Variants in FBXL5 observed in about 807,000 individuals in gnomAD.
The protein encoded by FBXL5 is F-box/LRR-repeat protein 5.
FBXL5 carries 26 observed loss-of-function variants against 78.3 expected under a neutral mutation model. That is an observed-to-expected ratio of 0.33 (90% CI 0.24 to 0.46). The LOEUF (loss-of-function observed/expected upper bound fraction) is 0.46. Among genes scored for constraint, FBXL5 ranks in the 20% least tolerant of loss-of-function variants. FBXL5 has a pLI of 1.00. For synonymous variants in FBXL5, 295 were observed against 282.5 expected, an observed-to-expected ratio of 1.04 and a Z score of -0.45; for missense variants, 710 against 829.2, an observed-to-expected ratio of 0.86 and a Z score of 1.77.
chr4:15,654,578 T>C (rs1366672249), intron 1 of FBXL5, among the ~76,000 whole-genome samples: 1 of 152,214 alleles, frequency 6.6e-6, no homozygotes, highest in Non-Finnish European at 1.5e-5. Context: ...AGGAAAACGA[T>C]AACGACACAT....
At chr4:15,665,909 G>A (rs1189835329) in intron 1 of FBXL5, among the ~76,000 whole-genome samples, 1 of 152,060 alleles carries the variant, frequency 6.6e-6, no homozygotes, top group African/African-American at 2.4e-5. Context: ...CAAGTGAACT[G>A]TCCAAGACCA....
At chr4:15,662,104 T>G (rs570227918), upstream of FBXL5, among the ~76,000 whole-genome samples, 38 of 152,350 alleles carry the variant, frequency 2.5e-4, no homozygotes, top group South Asian at 7.7e-3. Context: ...CTCATGCCTA[T>G]GCTACTGGTC....
At chr4:15,665,046 T>G (rs1046468309) in intron 1 of FBXL5, among the ~76,000 whole-genome samples, 1 of 152,152 alleles carries the variant, frequency 6.6e-6, no homozygotes, top group African/African-American at 2.4e-5. Flanking sequence ...ATGTTTTTCA[T>G]GTGCTCAGTC....
intron 4 of FBXL5, among the ~76,000 whole-genome samples, chr4:15,637,542 T>C (rs1406635010): frequency 3.9e-5 from 6 of 152,154 alleles, no homozygotes; most frequent in Non-Finnish European, 7.4e-5. Flanking sequence ...TGCCAAATAT[T>C]TTAAATATAA....
intron 2 of FBXL5, 48 bp downstream of exon 2, chr4:15,644,445 G>A (rs2148667783): frequency 6.7e-7 from 1 of 1,488,010 alleles, no homozygotes; most frequent in Non-Finnish European, 9.3e-7. Flanking sequence ...TGATATACCA[G>A]AAGATGGCAC....
intron 1 of FBXL5, among the ~76,000 whole-genome samples, chr4:15,667,779 C>T (rs562485119): frequency 1.3e-5 from 2 of 152,238 alleles, no homozygotes; most frequent in Non-Finnish European, 2.9e-5. Context: ...CAATTTATCA[C>T]GCCTGTAATC....
chr4:15,651,697 T>A (rs1405055331), intron 1 of FBXL5, among the ~76,000 whole-genome samples: 1 of 152,234 alleles, frequency 6.6e-6, no homozygotes, highest in African/African-American at 2.4e-5. Context: ...TCATAAAATG[T>A]CCTATCTGTA....
At chr4:15,680,768 A>G (rs561656768) in intron 1 of FBXL5, among the ~76,000 whole-genome samples, 6 of 152,164 alleles carry the variant, frequency 3.9e-5, no homozygotes, top group South Asian at 2.1e-4. Context: ...TGAGAAAGAG[A>G]AATGCTGATA....
intron 1 of FBXL5, among the ~76,000 whole-genome samples, chr4:15,674,268 A>G (rs376831453): frequency 6.6e-6 from 1 of 151,616 alleles, no homozygotes; most frequent in Non-Finnish European, 1.5e-5. Flanking sequence ...TTTGGAGGAA[A>G]TAGGATTGTT....
chr4:15,637,262 G>C (rs1343611457), intron 4 of FBXL5, among the ~76,000 whole-genome samples: 1 of 152,156 alleles, frequency 6.6e-6, no homozygotes, highest in Non-Finnish European at 1.5e-5. Flanking sequence ...ACAAAATGTA[G>C]ATATTTCTGA....
At chr4:15,644,149 T>C (rs1456714770) in intron 2 of FBXL5, among the ~76,000 whole-genome samples, 1 of 152,234 alleles carries the variant, frequency 6.6e-6, no homozygotes, top group Non-Finnish European at 1.5e-5. Context: ...TATGTTACTA[T>C]CCTCTTGCCT....
At chr4:15,681,449 CTT>C (rs1718263026) in exon 1 of FBXL5, 1 of 169,678 alleles carries the variant, frequency 5.9e-6, no homozygotes, top group African/African-American at 2.4e-5. Flanking sequence ...GCAGCAGTCT[CTT>C]TTCGCTCCCA....
intron 1 of FBXL5, among the ~76,000 whole-genome samples, chr4:15,679,303 C>T (rs950465921): frequency 1.3e-5 from 2 of 152,006 alleles, no homozygotes; most frequent in African/African-American, 4.8e-5. Flanking sequence ...CCACCCGCTT[C>T]GGCCTCTCAA....
intron 1 of FBXL5, among the ~76,000 whole-genome samples, chr4:15,680,019 A>T (rs1718158218): frequency 6.6e-6 from 1 of 152,230 alleles, no homozygotes; most frequent in Admixed American, 6.5e-5. Context: ...TTTACTGTAT[A>T]AACTGGAGTA....
chr4:15,654,727 G>C (rs1382878247), intron 1 of FBXL5, among the ~76,000 whole-genome samples: 1 of 152,224 alleles, frequency 6.6e-6, no homozygotes, highest in African/African-American at 2.4e-5. Context: ...TGCAGAGGAT[G>C]GGTGGGTGTC....
rs1018267096 is a variant in FBXL5, at chr4:15,604,587, C to A, written c.*1136G>T. 6.6e-6 allele frequency: 1 copy of A among 152,166 alleles called. No homozygotes were observed. The highest frequency in any genetic ancestry group is 2.4e-5 in the African/African-American group (1 of 41,432). 9.4% of individuals were successfully genotyped at this position (152,166 alleles called of 1,614,324 possible). On this transcript the variant is annotated 3_prime_UTR_variant, in exon 11 of 11. Transcript: ENST00000341285. The stretch of plus-strand genomic sequence containing the variant: ...ACATGGCACCAATAGACTGGCTCAA[C>A]GCAGAGTTGCCATAAACCTTCCATT...
intron 10 of FBXL5, among the ~76,000 whole-genome samples, chr4:15,609,454 C>A (rs1476758102): frequency 6.6e-6 from 1 of 152,000 alleles, no homozygotes; most frequent in East Asian, 1.9e-4. Flanking sequence ...TCTGCACTTA[C>A]CTTCACTTAC....
At chr4:15,647,272 A>AAAC (rs143202841) in intron 1 of FBXL5, among the ~76,000 whole-genome samples, 139,909 of 141,076 alleles carry the variant, frequency 0.99, 69,379 homozygotes, top group Non-Finnish European at 1. Context: ...AAATAAAAAT[A>AAAC]AACAACAACA....
chr4:15,608,456 T>C (rs1722029389), intron 10 of FBXL5, among the ~76,000 whole-genome samples: 2 of 151,724 alleles, frequency 1.3e-5, no homozygotes, highest in South Asian at 2.1e-4. Context: ...AAGAAAAATG[T>C]AGAAATAAAA....
Sources: gnomAD v4.1 joint callset for allele counts (sites outside exome capture counted in the v4.1 genomes callset) on GRCh38, gnomAD v4.1.1 for gene constraint, MANE v1.5 for transcripts, NCBI Gene and HGNC (gene_info 2026-07-23, HGNC 2026-07-21) for gene names.